Variants in PCDH15 observed in about 807,000 individuals in gnomAD.
PCDH15 encodes protocadherin related 15, also known as protocadherin-15.
Under a neutral mutation model 178.5 loss-of-function variants are expected in PCDH15, and 129 were observed. The observed-to-expected ratio is 0.72, with a 90% CI of 0.63 to 0.84. The LOEUF is 0.84. PCDH15 is among the 40% of genes least tolerant of loss of function. PCDH15 has a pLI of 0.00. For missense variants in PCDH15, 2,230 were observed against 2,099.9 expected (o/e 1.06, Z -1.21); for synonymous variants, 800 against 732.0 (o/e 1.09, Z -1.50).
intron 2 of PCDH15, among the ~76,000 whole-genome samples, chr10:55,000,259 A>T: frequency 6.6e-6 from 1 of 152,178 alleles, no homozygotes; most frequent in East Asian, 1.9e-4. Context: ...CGGCCATTTT[A>T]GAGGCCTACC....
At chr10:55,052,232 C>A (rs1841180654) in intron 2 of PCDH15, among the ~76,000 whole-genome samples, 1 of 151,636 alleles carries the variant, frequency 6.6e-6, no homozygotes, top group South Asian at 2.1e-4. Context: ...GGACTACAGG[C>A]ACCTACCACC....
At chr10:54,239,962 TAAA>T (rs1056363549) in intron 8 of PCDH15, among the ~76,000 whole-genome samples, 8 of 152,118 alleles carry the variant, frequency 5.3e-5, no homozygotes, top group African/African-American at 1.9e-4. Flanking sequence ...TAAAGAATAC[TAAA>T]AATTATGATT....
At chr10:54,754,793 A>G (rs866009372) in intron 1 of PCDH15, among the ~76,000 whole-genome samples, 2 of 152,136 alleles carry the variant, frequency 1.3e-5, no homozygotes, top group South Asian at 4.1e-4. Flanking sequence ...CTGCTCACAA[A>G]ACAATTGATT....
At chr10:55,106,200 C>A (rs1489197120) in intron 2 of PCDH15, among the ~76,000 whole-genome samples, 2 of 152,012 alleles carry the variant, frequency 1.3e-5, no homozygotes, top group Non-Finnish European at 2.9e-5. Flanking sequence ...CTCTTTGTAA[C>A]TTGAAATTAG....
intron 2 of PCDH15, among the ~76,000 whole-genome samples, chr10:55,033,168 AAAGAG>A (rs1840652781): frequency 6.6e-6 from 1 of 152,166 alleles, no homozygotes; most frequent in Non-Finnish European, 1.5e-5. Context: ...CGGGAGCACC[AAAGAG>A]AGTCCTCAAA....
At chr10:54,558,020 C>A (rs747257690) in intron 2 of PCDH15, among the ~76,000 whole-genome samples, 3 of 151,810 alleles carry the variant, frequency 2.0e-5, no homozygotes, top group Non-Finnish European at 4.4e-5. Flanking sequence ...GATCATGCAG[C>A]CAAAACAAAA....
chr10:54,139,868 G>C (rs2043233025), intron 14 of PCDH15, among the ~76,000 whole-genome samples: 2 of 151,966 alleles, frequency 1.3e-5, no homozygotes, highest in South Asian at 2.1e-4. Context: ...ATTTTTATAA[G>C]AAAAGATTTT....
chr10:54,555,736 C>CAAAAAAAA (rs869032040), intron 2 of PCDH15, among the ~76,000 whole-genome samples: 1 of 73,394 alleles, frequency 1.4e-5, no homozygotes. Context: ...GACTCTGTCT[C>CAAAAAAAA]AAAAAAAAAA....
intron 13 of PCDH15, among the ~76,000 whole-genome samples, chr10:54,178,231 T>C (rs955067986): frequency 2.6e-5 from 4 of 152,142 alleles, no homozygotes; most frequent in African/African-American, 4.8e-5. Flanking sequence ...TCTAATTTTA[T>C]ATGATTTTAG....
chr10:55,142,780 C>A (rs530559848), intron 2 of PCDH15, among the ~76,000 whole-genome samples: 1 of 151,646 alleles, frequency 6.6e-6, no homozygotes, highest in South Asian at 2.1e-4. Flanking sequence ...TGAGAAGTAT[C>A]TTGCCTTCTT....
chr10:54,182,183 T>C (rs2133781937), intron 13 of PCDH15, among the ~76,000 whole-genome samples: 1 of 152,304 alleles, frequency 6.6e-6, no homozygotes, highest in Non-Finnish European at 1.5e-5. Context: ...CCCAGGCTGG[T>C]CTCGAGCTCC....
chr10:54,417,238 A>G (rs9415317), intron 3 of PCDH15, among the ~76,000 whole-genome samples: 31,281 of 152,048 alleles, frequency 0.21, 4,005 homozygotes, highest in African/African-American at 0.36. Flanking sequence ...AAAGAATTAC[A>G]TTTCAGTTTA....
At chr10:54,624,361 A>G (rs996430154) in intron 2 of PCDH15, among the ~76,000 whole-genome samples, 1 of 152,228 alleles carries the variant, frequency 6.6e-6, no homozygotes, top group Non-Finnish European at 1.5e-5. Context: ...TACAAAATAT[A>G]AAACTACTGA....
intron 7 of PCDH15, among the ~76,000 whole-genome samples, chr10:54,319,295 T>A (rs907045255): frequency 5.3e-5 from 8 of 152,132 alleles, no homozygotes; most frequent in Non-Finnish European, 1.0e-4. Flanking sequence ...TATCAATGAA[T>A]AAATGGATAA....
intron 2 of PCDH15, among the ~76,000 whole-genome samples, chr10:54,949,092 A>C (rs949917134): frequency 6.6e-6 from 1 of 151,978 alleles, no homozygotes; most frequent in African/African-American, 2.4e-5. Flanking sequence ...TTACTAAAAT[A>C]TTATGAGTGT....
chr10:54,346,071 C>T (rs1337508911), intron 6 of PCDH15, among the ~76,000 whole-genome samples: 4 of 151,952 alleles, frequency 2.6e-5, no homozygotes. Flanking sequence ...ATCTCATCTC[C>T]AGTGATTTAT....
intron 17 of PCDH15, among the ~76,000 whole-genome samples, chr10:54,068,087 C>T (rs2094172002): frequency 6.6e-6 from 1 of 152,004 alleles, no homozygotes; most frequent in South Asian, 2.1e-4. Flanking sequence ...GGGAAAAAGA[C>T]CAAACCTCCC....
In PCDH15 at chr10:54,507,686, A is replaced by C. The variant is rs573382546; in HGVS notation, c.157+20126T>G. On this transcript the variant is annotated intron_variant, in intron 3 of 37. Coordinates refer to ENST00000644397, the MANE Select transcript of PCDH15 (RefSeq NM_001384140.1). ...ACAGATGAGAGTACTGAAATATAAA[A>C]AGGTAAGTAAGTTTCCCAAGCAACT... 8.0e-4 allele frequency among the ~76,000 whole-genome samples: 122 copies of C among 152,100 alleles called. 1 individual carries two copies. The highest frequency in any genetic ancestry group is 6.8e-3 in the Middle Eastern group (2 of 294).
intron 5 of PCDH15, among the ~76,000 whole-genome samples, chr10:54,356,632 G>C (rs1945024943): frequency 6.6e-6 from 1 of 151,612 alleles, no homozygotes. Context: ...CAATTAGTAA[G>C]AGGAAAGAAA....
Sources: gnomAD v4.1 joint callset for allele counts (sites outside exome capture counted in the v4.1 genomes callset) on GRCh38, gnomAD v4.1.1 for gene constraint, MANE v1.5 for transcripts, NCBI Gene and HGNC (gene_info 2026-07-23, HGNC 2026-07-21) for gene names.